Variants in TPCN1 observed in about 807,000 individuals in gnomAD.
TPCN1 encodes two pore channel protein 1.
Under a neutral mutation model 108.8 loss-of-function variants are expected in TPCN1, and 52 were observed. The ratio of observed to expected loss-of-function variants is 0.48; its 90% CI spans 0.38 to 0.60. The LOEUF (loss-of-function observed/expected upper bound fraction) is 0.60. Among genes scored for constraint, TPCN1 ranks in the 20% least tolerant of loss-of-function variants. The pLI is 0.00. For synonymous variants in TPCN1, 446 were observed against 433.7 expected (o/e 1.03, Z -0.35); for missense variants, 806 against 1,072.8 (o/e 0.75, Z 3.47).
chr12:113,242,616 C>T (rs1421659823), intron 2 of TPCN1, among the ~76,000 whole-genome samples: 1 of 152,218 alleles, frequency 6.6e-6, no homozygotes, highest in African/African-American at 2.4e-5. Flanking sequence ...TACCTTTGCC[C>T]ACTGCGTCAT....
intron 2 of TPCN1, among the ~76,000 whole-genome samples, chr12:113,251,584 TG>T (rs563265811): frequency 2.6e-5 from 4 of 152,276 alleles, no homozygotes; most frequent in South Asian, 2.1e-4. Context: ...CGCTGTCCCG[TG>T]GGGGGGCTCC....
At chr12:113,237,075 G>A (rs1953926003) in intron 2 of TPCN1, among the ~76,000 whole-genome samples, 1 of 152,214 alleles carries the variant, frequency 6.6e-6, no homozygotes, top group Non-Finnish European at 1.5e-5. Flanking sequence ...GGGCCAGAAA[G>A]CAAGTGATGA....
In TPCN1 at chr12:113,269,935, G is replaced by A. The variant is rs781741594; in HGVS notation, c.748+90G>A. The A allele has an allele frequency of 8.7e-5, 123 of 1,408,954 alleles. No individual in the cohort carries two copies. Among genetic ancestry groups the A allele is most frequent in the Middle Eastern group, 5.4e-4 (3 of 5,604 alleles). The allele number at this position is 1,408,954 out of a possible 1,614,324, so 87.3% of individuals were successfully genotyped here. A position where few individuals can be genotyped will look rare whatever the true frequency, so the allele number is the denominator to read the frequency against. On this transcript the variant is annotated intron_variant, in intron 7 of 27. Transcript: ENST00000335509. This position sits in a 1 kb window ranked among gnomAD's most constrained non-coding sequence, Gnocchi z 5.0. ...TTTTGGGCCTGGCTCAGTGGCTCACGCCTGTAATCCTAGCATTTTGGGAGG... is the reference window on the plus strand; with the variant it reads ...TTTTGGGCCTGGCTCAGTGGCTCACACCTGTAATCCTAGCATTTTGGGAGG...
chr12:113,266,194 C>T lies in TPCN1; in HGVS notation c.252C>T (p.Asn84=), dbSNP rs1451641377. Residue 84 remains asparagine (N), a synonymous_variant, in exon 4 of 28, where the codon AAC becomes AAT. Coordinates refer to ENST00000335509, the MANE Select transcript of TPCN1 (RefSeq NM_017901.6). This position sits in a 1 kb window ranked among gnomAD's most constrained non-coding sequence, Gnocchi z 4.2. ...AAIYLQEGEN[N]DKFFTHPKDA... ...CATCTTTTCAGGAAGGCGAGAACAACGACAAGTTCTTCACCCACCCCAAGG... is the reference window on the plus strand; with the variant it reads ...CATCTTTTCAGGAAGGCGAGAACAATGACAAGTTCTTCACCCACCCCAAGG... 6.8e-6 allele frequency: 11 copies of T among 1,614,004 alleles called. No individual in the cohort carries two copies. Among genetic ancestry groups the T allele is most frequent in the East Asian group, 4.5e-5 (2 of 44,878 alleles).
Position 113,266,320 on chromosome 12 carries a change from G to C in TPCN1, c.378G>C (p.Glu126Asp). The C allele has an allele frequency of 2.5e-6, 4 of 1,610,986 alleles. No homozygotes were observed. The highest frequency in any genetic ancestry group is 3.4e-6 in the Non-Finnish European group (4 of 1,180,012). ...TGCTGCTGCTGCTCTCCCTGTGCGA[G>C]GCCCCCGCCGTCCCCGCACTCCGGC... ...ALLLLLLSLCEAPAVPALRLG... is the reference protein window; with the variant it reads ...ALLLLLLSLCDAPAVPALRLG... Residue 126 changes from glutamate to aspartate, a missense_variant, in exon 4 of 28, where the codon GAG becomes GAC. By Grantham distance (45) the Glu-to-Asp change is conservative (BLOSUM62 2). Transcript: ENST00000335509. This position sits in a 1 kb window ranked among gnomAD's most constrained non-coding sequence, Gnocchi z 4.2.
At chr12:113,256,910 C>T (rs1242469043) in intron 2 of TPCN1, among the ~76,000 whole-genome samples, 2 of 152,136 alleles carry the variant, frequency 1.3e-5, no homozygotes, top group African/African-American at 4.8e-5. Context: ...TGTAAAACTT[C>T]TGTTTTAGTG....
chr12:113,291,061 C>T (rs1211409895), intron 23 of TPCN1, 63 bp downstream of exon 23: 6 of 1,461,210 alleles, frequency 4.1e-6, no homozygotes, highest in Admixed American at 1.7e-5. Context: ...CCTGGGTCTC[C>T]CCCAACCCAG....
chr12:113,293,663 AAC>A (rs1486417686), intron 27 of TPCN1, among the ~76,000 whole-genome samples: 1 of 152,174 alleles, frequency 6.6e-6, no homozygotes, highest in East Asian at 1.9e-4. Flanking sequence ...TGTACTAAGA[AAC>A]ACAGTGAGCA....
intron 2 of TPCN1, among the ~76,000 whole-genome samples, chr12:113,228,143 A>G (rs992913138): frequency 2.0e-5 from 3 of 152,208 alleles, no homozygotes; most frequent in Non-Finnish European, 4.4e-5. Context: ...GGAGGAAACT[A>G]TGGGTCAGAG....
At chr12:113,259,939 A>G (rs1222257874) in intron 2 of TPCN1, among the ~76,000 whole-genome samples, 1 of 152,206 alleles carries the variant, frequency 6.6e-6, no homozygotes, top group African/African-American at 2.4e-5. Context: ...TTAATTTTTA[A>G]CTAAGTAGGA....
rs545727678 is a variant in TPCN1 at position 113,245,660 on chromosome 12, T to C, written c.113-14708T>C. ...GTAGGCCCCTCAGTATCACCCTTCC[T>C]GAGAACAGTCATTCTCTGCTTTTTC... On this transcript the variant is annotated intron_variant, in intron 2 of 27. Transcript: ENST00000335509. Among the ~76,000 whole-genome samples, 482 of 151,358 alleles carry C rather than the reference T, an allele frequency of 3.2e-3. 6 individuals carry two copies. Among genetic ancestry groups the C allele is most frequent in the African/African-American group, 0.011 (459 of 41,152 alleles).
chr12:113,266,244 TC>T lies in TPCN1; in HGVS notation c.303del (p.Phe102LeufsTer9). ...PKDAKALAAY[L>X]FAHNHLFYLM... ...GATGCCAAGGCGCTGGCGGCCTACC[TC>T]TTTGCACACAATCACCTCTTCTACC... is the stretch of plus-strand genomic sequence containing the variant. On this transcript the variant is annotated frameshift_variant, in exon 4 of 28. Transcript: ENST00000335509. LOFTEE classifies it high-confidence loss of function. The surrounding 1 kb of genome is among the most constrained non-coding windows in gnomAD (Gnocchi z 4.2). The T allele has an allele frequency of 6.2e-7, 1 of 1,614,094 alleles. No homozygotes were observed. Among genetic ancestry groups the T allele is most frequent in the Non-Finnish European group, 8.5e-7 (1 of 1,180,022 alleles).
At chr12:113,244,731 C>A (rs1954286218) in intron 2 of TPCN1, 1 of 985,406 alleles carries the variant, frequency 1.0e-6, no homozygotes, top group Non-Finnish European at 1.2e-6. Flanking sequence ...TTCCGGAGGG[C>A]TCCGAGTGCT....
At chr12:113,234,568 T>C (rs1393168329) in intron 2 of TPCN1, among the ~76,000 whole-genome samples, 1 of 152,220 alleles carries the variant, frequency 6.6e-6, no homozygotes, top group African/African-American at 2.4e-5. Context: ...TTGTACCGGG[T>C]ACCCTTTACG....
Position 113,273,932 on chromosome 12 carries a change from C to A in TPCN1, c.942+264C>A, listed in dbSNP as rs946524327. ...AGTGCTGGATGTGAAACCCAGGCAA[C>A]CCTGGGACCTTTTCATTCTTACATC... On this transcript the variant is annotated intron_variant, in intron 10 of 27. Coordinates refer to ENST00000335509, the MANE Select transcript of TPCN1 (RefSeq NM_017901.6). The surrounding 1 kb of genome is among the most constrained non-coding windows in gnomAD (Gnocchi z 4.0). Among the ~76,000 whole-genome samples, 3 of 152,158 alleles carry A rather than the reference C, an allele frequency of 2.0e-5. No individual in the cohort carries two copies. The highest frequency in any genetic ancestry group is 2.9e-5 in the Non-Finnish European group (2 of 68,022).
At chr12:113,230,737 T>C (rs1953657555) in intron 2 of TPCN1, among the ~76,000 whole-genome samples, 1 of 152,218 alleles carries the variant, frequency 6.6e-6, no homozygotes, top group African/African-American at 2.4e-5. Context: ...ATTACAGGCA[T>C]GAGCCACCAT....
intron 2 of TPCN1, among the ~76,000 whole-genome samples, chr12:113,255,438 A>C (rs1164202979): frequency 6.6e-6 from 1 of 152,196 alleles, no homozygotes; most frequent in Non-Finnish European, 1.5e-5. Flanking sequence ...ATGGGTTTTT[A>C]AGAGTCTCCC....
In TPCN1 at chr12:113,269,674, C is replaced by T; in HGVS notation, c.660-83C>T. On this transcript the variant is annotated intron_variant, in intron 6 of 27. Coordinates refer to ENST00000335509, the MANE Select transcript of TPCN1 (RefSeq NM_017901.6). This position sits in a 1 kb window ranked among gnomAD's most constrained non-coding sequence, Gnocchi z 5.0. ...GGTTTAGTATTTCGAGTCAGAAGCACTAGGCCTCCATCTCAACAAGGAGGA... is the reference window on the plus strand; with the variant it reads ...GGTTTAGTATTTCGAGTCAGAAGCATTAGGCCTCCATCTCAACAAGGAGGA... 1 of 1,168,638 alleles carries T rather than the reference C, an allele frequency of 8.6e-7. No homozygotes were observed. The highest frequency in any genetic ancestry group is 1.3e-6 in the Non-Finnish European group (1 of 795,226). 72.4% of individuals were successfully genotyped at this position (1,168,638 alleles called of 1,614,324 possible).
chr12:113,245,226 A>C (rs893823616), intron 2 of TPCN1, among the ~76,000 whole-genome samples: 3 of 151,002 alleles, frequency 2.0e-5, no homozygotes, highest in African/African-American at 4.9e-5. Context: ...CCATGATCGC[A>C]CCACTGCACT....
Sources: gnomAD v4.1 joint callset for allele counts (sites outside exome capture counted in the v4.1 genomes callset) on GRCh38, gnomAD v4.1.1 for gene constraint, Gnocchi (gnomAD v3.1) non-coding constraint, MANE v1.5 for transcripts, NCBI Gene and HGNC (gene_info 2026-07-23, HGNC 2026-07-21) for gene names.